Variants in TEX11 observed in about 807,000 individuals in gnomAD.
TEX11 encodes the protein testis expressed 11.
A neutral mutation model predicts 84.4 loss-of-function variants in TEX11; 7 were observed. That is an observed-to-expected ratio of 0.08 (90% CI 0.05 to 0.16). TEX11 has a LOEUF of 0.16. Among genes scored for constraint, TEX11 ranks in the 10% least tolerant of loss-of-function variants. The probability of loss-of-function intolerance (pLI) is 1.00; values close to 1 mark genes in which losing one functional copy is unlikely to be tolerated. For missense variants in TEX11, 551 were observed against 660.5 expected, an observed-to-expected ratio of 0.83 and a Z score of 1.82; for synonymous variants, 264 against 222.8, an observed-to-expected ratio of 1.18 and a Z score of -1.64.
rs1390585892 is a variant in TEX11 at position 70,650,175 on chromosome X, AT to A, written c.1483+1274del. The stretch of plus-strand genomic sequence containing the variant: ...GAGTAACAGTAAAGGGCCCTGAGGT[AT>A]TTTTTTTCTACATTGTGGTGGTAGT... On this transcript the variant is annotated intron_variant, in intron 17 of 29. Coordinates refer to ENST00000374333, the MANE Select transcript of TEX11 (RefSeq NM_031276.3). 4.5e-5 allele frequency among the ~76,000 whole-genome samples: 5 copies of A among 110,749 alleles called. No individual in the cohort carries two copies. In the Admixed American group the frequency reaches 4.8e-4, roughly 11 times the overall value.
chrX:70,686,722 C>T (rs2090192464), intron 13 of TEX11, among the ~76,000 whole-genome samples: 1 of 110,332 alleles, frequency 9.1e-6, no homozygotes, highest in Non-Finnish European at 1.9e-5. Context: ...ATACAGAATG[C>T]CCCAGTAAAA....
intron 9 of TEX11, among the ~76,000 whole-genome samples, chrX:70,790,341 A>G (rs1328451591): frequency 9.0e-6 from 1 of 111,644 alleles, no homozygotes; most frequent in Non-Finnish European, 1.9e-5. Flanking sequence ...GGAAACTGGG[A>G]ACTCCGCATG....
At chrX:70,652,604 G>A (rs2089822645) in intron 16 of TEX11, among the ~76,000 whole-genome samples, 1 of 111,957 alleles carries the variant, frequency 8.9e-6, no homozygotes, top group Non-Finnish European at 1.9e-5. Flanking sequence ...TATTACCTGT[G>A]CCATACCAGT....
intron 9 of TEX11, among the ~76,000 whole-genome samples, chrX:70,748,518 A>T (rs934440135): frequency 2.5e-4 from 28 of 111,345 alleles, no homozygotes; most frequent in Admixed American, 2.2e-3. Flanking sequence ...CTGAATGGTA[A>T]TGCCTAGGTT....
chrX:70,862,102 CA>C (rs11366491), intron 4 of TEX11, among the ~76,000 whole-genome samples: 22,023 of 109,543 alleles, frequency 0.2, 3,094 homozygotes, highest in African/African-American at 0.45. Context: ...GCAATCCTCC[CA>C]ACCTCAGCCT....
intron 25 of TEX11, among the ~76,000 whole-genome samples, chrX:70,578,922 C>G (rs1246800222): frequency 9.3e-6 from 1 of 107,350 alleles, no homozygotes; most frequent in Non-Finnish European, 1.9e-5. Context: ...AGGCGCCCAC[C>G]ACCACACCCA....
At chrX:70,603,425 C>G (rs1255185248) in intron 24 of TEX11, among the ~76,000 whole-genome samples, 1 of 104,529 alleles carries the variant, frequency 9.6e-6, no homozygotes, top group Non-Finnish European at 2.0e-5. Flanking sequence ...TGATCTTTGA[C>G]AAACCTGAGA....
chrX:70,745,553 G>T (rs1216078535), intron 9 of TEX11, among the ~76,000 whole-genome samples: 4 of 110,723 alleles, frequency 3.6e-5, no homozygotes, highest in Non-Finnish European at 1.9e-5. Flanking sequence ...TGGCCAACAT[G>T]GTGAAACCCC....
At chrX:70,573,431 C>A (rs1163700380) in intron 25 of TEX11, among the ~76,000 whole-genome samples, 4 of 111,940 alleles carry the variant, frequency 3.6e-5, no homozygotes, top group Non-Finnish European at 7.5e-5. Context: ...TCTCCTATTT[C>A]TGTGGCCTAA....
chrX:70,716,756 A>G (rs768416122), intron 13 of TEX11, among the ~76,000 whole-genome samples: 47 of 111,971 alleles, frequency 4.2e-4, no homozygotes, highest in East Asian at 1.7e-3. Flanking sequence ...GCCCTGCTTC[A>G]GCTCAGGCTC....
At chrX:70,606,768 A>G (rs976012344) in intron 23 of TEX11, among the ~76,000 whole-genome samples, 191 bp downstream of exon 23, 2 of 111,789 alleles carry the variant, frequency 1.8e-5, no homozygotes, top group African/African-American at 3.2e-5. Flanking sequence ...TGGTATAGAA[A>G]GATATGCCCC....
intron 3 of TEX11, among the ~76,000 whole-genome samples, chrX:70,875,532 A>G (rs1430144691): frequency 1.9e-5 from 2 of 105,865 alleles, no homozygotes; most frequent in African/African-American, 6.9e-5. Flanking sequence ...TGAGGTCAAG[A>G]GTTCGAGACC....
intron 16 of TEX11, among the ~76,000 whole-genome samples, chrX:70,662,438 T>C (rs2089938627): frequency 9.0e-6 from 1 of 111,505 alleles, no homozygotes; most frequent in South Asian, 3.8e-4. Context: ...TGGAAAACAC[T>C]CTGCAGGATA....
intron 13 of TEX11, among the ~76,000 whole-genome samples, chrX:70,715,729 G>A (rs1056829234): frequency 2.7e-5 from 3 of 111,410 alleles, no homozygotes; most frequent in Non-Finnish European, 5.7e-5. Flanking sequence ...CTTTGTCTTC[G>A]GTTTGAACTT....
chrX:70,521,089 T>A, the TEX11 span, among the ~76,000 whole-genome samples: 22 of 111,352 alleles, frequency 2.0e-4, no homozygotes, highest in East Asian at 3.7e-3. Context: ...CCCTTGTGCT[T>A]CCTGGGTGAG....
At chrX:70,747,093 C>A (rs769916690) in intron 9 of TEX11, among the ~76,000 whole-genome samples, 2 of 111,985 alleles carry the variant, frequency 1.8e-5, no homozygotes, top group Non-Finnish European at 3.8e-5. Flanking sequence ...GGAGACTGTG[C>A]ACATGCTCAA....
At chrX:70,654,688 GCA>G (rs2089843736) in intron 16 of TEX11, among the ~76,000 whole-genome samples, 1 of 86,238 alleles carries the variant, frequency 1.2e-5, no homozygotes, top group African/African-American at 4.8e-5. Context: ...TCCAGCCTGG[GCA>G]TAAAGTGAGA....
chrX:70,825,349 GTA>G (rs202133646), intron 8 of TEX11, among the ~76,000 whole-genome samples: 5 of 105,567 alleles, frequency 4.7e-5, no homozygotes, highest in Admixed American at 1.0e-4. Context: ...TTATATATAT[GTA>G]TATATATATA....
intron 28 of TEX11, among the ~76,000 whole-genome samples, chrX:70,547,882 C>T (rs1228370565): frequency 8.9e-6 from 1 of 111,797 alleles, no homozygotes; most frequent in African/African-American, 3.3e-5. Flanking sequence ...GGATCTGGAA[C>T]TAGAAATACC....
Sources: allele counts gnomAD v4.1 joint callset (sites outside exome capture counted in the v4.1 genomes callset), GRCh38; gene constraint gnomAD v4.1.1; transcripts MANE v1.5; gene names NCBI Gene and HGNC (gene_info 2026-07-23, HGNC 2026-07-21).